The following GPR89A variants were observed in gnomAD, a reference collection of about 807,000 sequenced individuals.
GPR89A encodes golgi pH regulator A, also known as G protein-coupled receptor 89A.
Under a neutral mutation model 52.0 loss-of-function variants are expected in GPR89A, and 16 were observed. That is an observed-to-expected ratio of 0.31 (90% confidence interval 0.21 to 0.47). GPR89A has a LOEUF of 0.47. Among genes scored for constraint, GPR89A ranks in the 20% least tolerant of loss-of-function variants. The probability of loss-of-function intolerance (pLI) is 1.00; values close to 1 mark genes in which losing one functional copy is unlikely to be tolerated. For missense variants in GPR89A, 135 were observed against 449.4 expected (o/e 0.30, Z 6.33); for synonymous variants, 55 against 150.9 (o/e 0.36, Z 4.66).
rs587618960 is a variant in GPR89A, at chr1:145,639,387, G to A, written c.618-4482G>A. On this transcript the variant is annotated intron_variant, in intron 7 of 13. Coordinates refer to ENST00000313835, the MANE Select transcript of GPR89A (RefSeq NM_001097612.2). Reference sequence around the variant, plus strand: ...ACCTGATCTTTAAACATATTATATAGCTACAGTAATCAAGACTGTGGTACT... The same window carrying A: ...ACCTGATCTTTAAACATATTATATAACTACAGTAATCAAGACTGTGGTACT... 1.2e-3 allele frequency among the ~76,000 whole-genome samples: 190 copies of A among 152,194 alleles called. 1 individual carries two copies. Among genetic ancestry groups the A allele is most frequent in the African/African-American group, 4.4e-3 (183 of 41,512 alleles).
rs1648270868 is a variant in GPR89A at position 145,611,429 on chromosome 1, TG to T, written c.42+3255del. 2.0e-5 allele frequency: 3 copies of T among 151,910 alleles called. No individual in the cohort carries two copies. The South Asian group carries it at 6.2e-4, about 32-fold the overall frequency. The allele number at this position is 151,910 out of a possible 1,614,324, so 9.4% of individuals were successfully genotyped here. A position where few individuals can be genotyped will look rare whatever the true frequency, so the allele number is the denominator to read the frequency against. On this transcript the variant is annotated intron_variant, in intron 1 of 13. Coordinates refer to ENST00000313835, the MANE Select transcript of GPR89A (RefSeq NM_001097612.2). ...CCAATATTTAGCTCCCACTTAGAAG[TG>T]AGAACATGTGGTATTTGGTTTTCTG...
In GPR89A at chr1:145,652,868, ATTCTTC is replaced by A. The variant is rs1230806418; in HGVS notation, c.909+5607_909+5612del. 6.8e-5 allele frequency among the ~76,000 whole-genome samples: 10 copies of A among 147,620 alleles called. No homozygotes were observed. The East Asian group carries it at 2.0e-3, about 29-fold the overall frequency. On this transcript the variant is annotated intron_variant, in intron 10 of 13. Transcript: ENST00000313835. Reference sequence around the variant, plus strand: ...TTATCATTTTTTTTGTGTCTGTTTGATTCTTCTTCTTTATTAGTCTAGTAGTGGTCT... The same window carrying A: ...TTATCATTTTTTTTGTGTCTGTTTGATTCTTTATTAGTCTAGTAGTGGTCT...
At chr1:145,617,180 T>C (rs139798522) in intron 2 of GPR89A, among the ~76,000 whole-genome samples, 4 of 152,160 alleles carry the variant, frequency 2.6e-5, no homozygotes, top group East Asian at 1.9e-4. Context: ...CATAGACCTC[T>C]CTCCCAGAAT....
At chr1:145,612,344 C>T (rs1229428821) in intron 1 of GPR89A, 8 of 152,116 alleles carry the variant, frequency 5.3e-5, no homozygotes, top group South Asian at 2.1e-4. Flanking sequence ...TTTCAGAAAA[C>T]GGGGTTCCCC....
intron 5 of GPR89A, among the ~76,000 whole-genome samples, chr1:145,626,180 G>T (rs587750305): frequency 6.6e-6 from 1 of 150,632 alleles, no homozygotes; most frequent in Admixed American, 6.6e-5. Flanking sequence ...TATCTGTGAC[G>T]GTAGAAGTCA....
chr1:145,660,019 TTC>T (rs2101834133), intron 10 of GPR89A, among the ~76,000 whole-genome samples: 1 of 152,088 alleles, frequency 6.6e-6, no homozygotes, highest in South Asian at 2.1e-4. Context: ...AGGTATTTTA[TTC>T]TCTTTGAAGC....
chr1:145,611,821 C>T (rs187103524), intron 1 of GPR89A, among the ~76,000 whole-genome samples: 5 of 151,312 alleles, frequency 3.3e-5, no homozygotes, highest in East Asian at 1.9e-4. Context: ...CTGTCTCCAC[C>T]GGTAAATATT....
At chr1:145,629,529 G>C (rs1348132693) in intron 5 of GPR89A, among the ~76,000 whole-genome samples, 1 of 152,194 alleles carries the variant, frequency 6.6e-6, no homozygotes, top group Non-Finnish European at 1.5e-5. Flanking sequence ...TAGTGTGAGA[G>C]CTCTCTTAGG....
intron 7 of GPR89A, among the ~76,000 whole-genome samples, chr1:145,639,945 T>C (rs1353107996): frequency 1.3e-5 from 2 of 151,900 alleles, no homozygotes; most frequent in Non-Finnish European, 2.9e-5. Flanking sequence ...ACGCCGGGCG[T>C]GGTGGCTCAT....
chr1:145,640,558 G>A, intron 7 of GPR89A, among the ~76,000 whole-genome samples: 1 of 118,056 alleles, frequency 8.5e-6, no homozygotes, highest in Admixed American at 9.7e-5. Context: ...AGCCAGGCGT[G>A]GTGGCGGGCA....
At chr1:145,647,063 T>C (rs1456957559) in intron 9 of GPR89A, 112 bp from the exon 10 acceptor site, 29 of 1,493,208 alleles carry the variant, frequency 1.9e-5, no homozygotes, top group African/African-American at 2.8e-5. Context: ...ATTATTACAA[T>C]GTATGGTTTT....
intron 1 of GPR89A, among the ~76,000 whole-genome samples, chr1:145,615,528 T>G (rs1258621110): frequency 1.2e-4 from 18 of 150,898 alleles, no homozygotes; most frequent in African/African-American, 4.4e-4. Flanking sequence ...GTGTGTGTGT[T>G]TTTTGTAGAG....
At chr1:145,657,909 G>T (rs1388987126) in intron 10 of GPR89A, among the ~76,000 whole-genome samples, 1 of 150,788 alleles carries the variant, frequency 6.6e-6, no homozygotes, top group South Asian at 2.1e-4. Context: ...GTATGATGCA[G>T]TAGTTCTTAA....
chr1:145,655,971 C>A (rs2101826352), intron 10 of GPR89A, among the ~76,000 whole-genome samples: 1 of 152,032 alleles, frequency 6.6e-6, no homozygotes, highest in East Asian at 1.9e-4. Context: ...TGCTCATAAA[C>A]CCCTACCTGG....
chr1:145,668,878 A>T (rs1163313245), intron 12 of GPR89A, among the ~76,000 whole-genome samples: 3 of 152,044 alleles, frequency 2.0e-5, no homozygotes, highest in African/African-American at 7.2e-5. Context: ...ATGTTTATTG[A>T]TTTGCATATG....
At chr1:145,610,376 T>C (rs1648175362) in intron 1 of GPR89A, among the ~76,000 whole-genome samples, 1 of 152,090 alleles carries the variant, frequency 6.6e-6, no homozygotes, top group African/African-American at 2.4e-5. Context: ...CCCTGGCTCT[T>C]CTCTCTTCAG....
At chr1:145,658,702 ATTAGT>A (rs1167558678) in intron 10 of GPR89A, among the ~76,000 whole-genome samples, 12 of 151,000 alleles carry the variant, frequency 7.9e-5, no homozygotes, top group African/African-American at 2.7e-4. Flanking sequence ...TTATCCATTT[ATTAGT>A]TGATGTACAT....
intron 3 of GPR89A, among the ~76,000 whole-genome samples, chr1:145,622,101 C>G (rs587661346): frequency 1.3e-3 from 194 of 152,110 alleles, no homozygotes; most frequent in African/African-American, 4.6e-3. Context: ...TGAAAACATA[C>G]GTCCACACCA....
chr1:145,640,956 G>A (rs1368579589), intron 7 of GPR89A, among the ~76,000 whole-genome samples: 3 of 151,028 alleles, frequency 2.0e-5, no homozygotes, highest in Non-Finnish European at 2.9e-5. Flanking sequence ...AAACTACATC[G>A]AGATAATCAC....
Sources: gnomAD v4.1 joint callset for allele counts (sites outside exome capture counted in the v4.1 genomes callset) on GRCh38, gnomAD v4.1.1 for gene constraint, MANE v1.5 for transcripts, NCBI Gene and HGNC (gene_info 2026-07-23, HGNC 2026-07-21) for gene names.